SRFBP1: variants seen among roughly 807,000 people sequenced by gnomAD.
SRFBP1 encodes the protein serum response factor-binding protein 1.
Under a neutral mutation model 45.5 loss-of-function variants are expected in SRFBP1, and 47 were observed. The observed-to-expected ratio is 1.03, with a 90% confidence interval of 0.82 to 1.32. SRFBP1 has a LOEUF of 1.32. SRFBP1 is among the 40% of genes most tolerant of loss of function. The pLI, the probability that SRFBP1 is intolerant of heterozygous loss-of-function variation, is 0.00. For missense variants in SRFBP1, 621 were observed against 484.6 expected, an observed-to-expected ratio of 1.28 and a Z score of -2.64; for synonymous variants, 203 against 166.3, an observed-to-expected ratio of 1.22 and a Z score of -1.70.
At chr5:121,995,987 C>T (rs1234145027) in intron 4 of SRFBP1, among the ~76,000 whole-genome samples, 3 of 152,138 alleles carry the variant, frequency 2.0e-5, no homozygotes, top group Non-Finnish European at 4.4e-5. Context: ...TCTTAGTAGA[C>T]CAATAACAGG....
At chr5:122,055,863 A>G (rs1754069056) in intron 2 of SRFBP1, among the ~76,000 whole-genome samples, 1 of 152,226 alleles carries the variant, frequency 6.6e-6, no homozygotes, top group African/African-American at 2.4e-5. Context: ...TAAAATTAAC[A>G]TTGAAGTTAC....
At chr5:122,059,649 A>G (rs1026438200) in intron 2 of SRFBP1, among the ~76,000 whole-genome samples, 12 of 152,130 alleles carry the variant, frequency 7.9e-5, no homozygotes, top group African/African-American at 2.9e-4. Context: ...CTGTCATTCA[A>G]CTTCTCTGCA....
chr5:122,022,118 A>G (rs1753339095), intron 6 of SRFBP1, among the ~76,000 whole-genome samples: 1 of 152,148 alleles, frequency 6.6e-6, no homozygotes, highest in African/African-American at 2.4e-5. Flanking sequence ...ATTTCCCATT[A>G]CAAACAGAAT....
chr5:122,077,139 C>G, downstream of SRFBP1: 1 of 1,474,112 alleles, frequency 6.8e-7, no homozygotes, highest in South Asian at 1.4e-5. The surrounding 1 kb of genome is among the most constrained non-coding windows in gnomAD (Gnocchi z 4.9). Flanking sequence ...AGCAAGAGAA[C>G]TGGGGACGCC....
At chr5:122,011,421 T>G (rs1460747333) in intron 4 of SRFBP1, among the ~76,000 whole-genome samples, 3 of 152,116 alleles carry the variant, frequency 2.0e-5, no homozygotes, top group Non-Finnish European at 4.4e-5. Context: ...AAGCTGTGGT[T>G]TCCTTCATAC....
rs774012354 is a variant in SRFBP1 at position 122,060,485 on chromosome 5, T to A, written n.312-14830T>A. Among the ~76,000 whole-genome samples the A allele has an allele frequency of 2.0e-5, 3 of 152,034 alleles. No homozygotes were observed. The East Asian group carries it at 5.8e-4, about 29-fold the overall frequency. On this transcript the variant is annotated intron_variant and non_coding_transcript_variant, in intron 2 of 2. Coordinates refer to the SRFBP1 transcript ENST00000504881. Reference sequence around the variant, plus strand: ...AAGCATCCTCTTACTTGACCTCACCTTTTTTACTTCAGTGATTAATAAGAG... The same window carrying A: ...AAGCATCCTCTTACTTGACCTCACCATTTTTACTTCAGTGATTAATAAGAG...
chr5:122,033,612 T>G (rs759488252), downstream of SRFBP1, among the ~76,000 whole-genome samples: 14 of 149,782 alleles, frequency 9.3e-5, no homozygotes, highest in Non-Finnish European at 1.9e-4. Context: ...CAGGCACCTG[T>G]CACCACGCCT....
downstream of SRFBP1, chr5:122,075,613 A>C (rs2152590349): frequency 1.0e-6 from 1 of 1,002,850 alleles, no homozygotes. Context: ...CAAATAAAAC[A>C]TCCATTATAT....
intron 1 of SRFBP1, 132 bp downstream of exon 1, chr5:121,962,200 G>C: frequency 8.9e-7 from 1 of 1,117,860 alleles, no homozygotes; most frequent in East Asian, 2.4e-5. Flanking sequence ...CGGGTTTCCC[G>C]CAACTTGGAG....
In SRFBP1 at chr5:122,001,602, C is replaced by T. The variant is rs539190962; in HGVS notation, c.270+6932C>T. 9.5e-4 allele frequency among the ~76,000 whole-genome samples: 137 copies of T among 144,646 alleles called. 1 individual carries two copies. The highest frequency in any genetic ancestry group is 3.2e-3 in the African/African-American group (125 of 38,594). The allele number at this position is 144,646 out of a possible 152,430, so 94.9% of individuals were successfully genotyped here. ...CGGAGTCTCGCTCTGTCGCCCAGGC[C>T]GGACTGCGGATTGCAGTGGCGCAAT... On this transcript the variant is annotated intron_variant, in intron 4 of 7. Coordinates refer to ENST00000339397, the MANE Select transcript of SRFBP1 (RefSeq NM_152546.3).
chr5:122,019,748 C>A (rs1753264526), intron 5 of SRFBP1, among the ~76,000 whole-genome samples: 1 of 151,436 alleles, frequency 6.6e-6, no homozygotes, highest in South Asian at 2.1e-4. Flanking sequence ...TCTGAAAGCA[C>A]AGTTTATAAT....
intron 2 of SRFBP1, among the ~76,000 whole-genome samples, chr5:122,054,849 C>G (rs891814366): frequency 6.6e-6 from 1 of 152,146 alleles, no homozygotes; most frequent in Non-Finnish European, 1.5e-5. Flanking sequence ...ATAGAACACA[C>G]CTTTTCATTT....
At chr5:122,052,038 T>C (rs888120468) in intron 2 of SRFBP1, among the ~76,000 whole-genome samples, 13 of 152,170 alleles carry the variant, frequency 8.5e-5, no homozygotes, top group African/African-American at 3.1e-4. Context: ...AAATTTTTGG[T>C]TGGAAATTTT....
chr5:122,076,840 G>T, downstream of SRFBP1: 1 of 1,505,520 alleles, frequency 6.6e-7, no homozygotes, highest in Non-Finnish European at 9.2e-7. Context: ...AGGCACCAGA[G>T]CGCCCCCTGA....
chr5:122,070,049 T>G, intron 2 of SRFBP1: 1 of 1,594,830 alleles, frequency 6.3e-7, no homozygotes, highest in Non-Finnish European at 8.6e-7. Flanking sequence ...CAAATAACAC[T>G]TACGGTGAAA....
At chr5:122,050,686 T>C (rs953227114) in intron 2 of SRFBP1, among the ~76,000 whole-genome samples, 18 of 152,122 alleles carry the variant, frequency 1.2e-4, no homozygotes, top group African/African-American at 3.6e-4. Flanking sequence ...TTATTAATTT[T>C]ATCAAAGAAC....
At chr5:122,001,637 C>G (rs1278483152) in intron 4 of SRFBP1, among the ~76,000 whole-genome samples, 1 of 148,772 alleles carries the variant, frequency 6.7e-6, no homozygotes, top group East Asian at 2.0e-4. Flanking sequence ...TCTCGGCTCA[C>G]TGCAAGCTCC....
At chr5:121,962,165 G>A in intron 1 of SRFBP1, 97 bp downstream of exon 1, 2 of 1,505,182 alleles carry the variant, frequency 1.3e-6, no homozygotes, top group Middle Eastern at 1.7e-4. Context: ...GGTGCGGTTG[G>A]AGGAACTTTC....
At chr5:122,009,873 C>G (rs560303793) in intron 4 of SRFBP1, among the ~76,000 whole-genome samples, 1 of 152,226 alleles carries the variant, frequency 6.6e-6, no homozygotes, top group East Asian at 1.9e-4. Flanking sequence ...TGTCGTCAAT[C>G]TTTTCCATTT....
Sources: gnomAD v4.1 joint callset for allele counts (sites outside exome capture counted in the v4.1 genomes callset) on GRCh38, gnomAD v4.1.1 for gene constraint, Gnocchi (gnomAD v3.1) non-coding constraint, MANE v1.5 for transcripts, NCBI Gene and HGNC (gene_info 2026-07-23, HGNC 2026-07-21) for gene names.